The following NEGR1 variants were observed in gnomAD, a reference collection of about 807,000 sequenced individuals.
The protein encoded by NEGR1 is IgLON family member 4.
A neutral mutation model predicts 40.9 loss-of-function variants in NEGR1; 10 were observed. That is an observed-to-expected ratio of 0.24 (90% CI 0.15 to 0.42). NEGR1 has a LOEUF of 0.42. Ranked by LOEUF, NEGR1 falls within the 10% of genes least tolerant of loss-of-function variation. The pLI, the probability that NEGR1 is intolerant of heterozygous loss-of-function variation, is 1.00. For synonymous variants in NEGR1, 185 were observed against 166.8 expected, an observed-to-expected ratio of 1.11 and a Z score of -0.84; for missense variants, 352 against 438.9, an observed-to-expected ratio of 0.80 and a Z score of 1.77.
At position 71,712,788 on chromosome 1, in the gene NEGR1, T is replaced by C. The variant is rs572369285; in HGVS notation, c.536-14649A>G. On this transcript the variant is annotated intron_variant, in intron 3 of 6. Coordinates refer to ENST00000357731, the MANE Select transcript of NEGR1 (RefSeq NM_173808.3). ...GGATCATGGGGTCAGATTTACCCTT[T>C]GCTGTTCTCATGATAGTGAGTGAGT... is the stretch of plus-strand genomic sequence containing the variant. 6.6e-5 allele frequency among the ~76,000 whole-genome samples: 10 copies of C among 152,168 alleles called. No homozygotes were observed. The South Asian group carries it at 2.1e-3, about 32-fold the overall frequency.
chr1:72,249,418 T>G (rs954399777), intron 1 of NEGR1, among the ~76,000 whole-genome samples: 6 of 152,180 alleles, frequency 3.9e-5, no homozygotes, highest in African/African-American at 1.4e-4. Flanking sequence ...TCAGTAGATA[T>G]GTAAAAATAT....
intron 6 of NEGR1, among the ~76,000 whole-genome samples, chr1:71,585,767 A>G (rs947416223): frequency 2.4e-4 from 37 of 151,630 alleles, no homozygotes; most frequent in Admixed American, 7.2e-4. Context: ...AATTGTAATA[A>G]AAAGGACAAT....
At chr1:71,709,988 C>T (rs1654026646) in intron 3 of NEGR1, among the ~76,000 whole-genome samples, 2 of 152,110 alleles carry the variant, frequency 1.3e-5, no homozygotes, top group Non-Finnish European at 2.9e-5. Flanking sequence ...CAAAGTACCC[C>T]TCTGACAAGG....
intron 6 of NEGR1, among the ~76,000 whole-genome samples, chr1:71,587,472 C>T (rs1464639149): frequency 6.6e-6 from 1 of 152,016 alleles, no homozygotes; most frequent in Non-Finnish European, 1.5e-5. Flanking sequence ...AGGAGACATT[C>T]CAGAAAGTTA....
At chr1:72,007,539 A>G (rs1330241765) in intron 1 of NEGR1, among the ~76,000 whole-genome samples, 1 of 152,186 alleles carries the variant, frequency 6.6e-6, no homozygotes, top group African/African-American at 2.4e-5. Context: ...CTGCTATGCC[A>G]CATTACTCAC....
chr1:71,801,043 G>T (rs1277257747), intron 2 of NEGR1, among the ~76,000 whole-genome samples: 1 of 152,066 alleles, frequency 6.6e-6, no homozygotes, highest in Non-Finnish European at 1.5e-5. Flanking sequence ...ACCCTACAAC[G>T]ATGCACATTA....
intron 1 of NEGR1, among the ~76,000 whole-genome samples, chr1:72,044,611 C>G (rs991801713): frequency 1.3e-5 from 2 of 151,476 alleles, no homozygotes; most frequent in African/African-American, 4.8e-5. Flanking sequence ...ACTGACAAAC[C>G]AAAAATAGAG....
intron 1 of NEGR1, among the ~76,000 whole-genome samples, chr1:72,069,807 C>T (rs2100508142): frequency 6.6e-6 from 1 of 152,146 alleles, no homozygotes; most frequent in South Asian, 2.1e-4. Context: ...TAAAAGAATA[C>T]CTGTGGCACA....
intron 1 of NEGR1, among the ~76,000 whole-genome samples, chr1:72,107,495 C>T (rs1465427793): frequency 6.6e-6 from 1 of 151,376 alleles, no homozygotes; most frequent in Non-Finnish European, 1.5e-5. Context: ...TTTCTTTTGG[C>T]TGGATTTCTA....
intron 2 of NEGR1, among the ~76,000 whole-genome samples, chr1:71,899,031 T>C (rs999201025): frequency 3.2e-4 from 44 of 139,432 alleles, no homozygotes; most frequent in Non-Finnish European, 5.4e-4. Flanking sequence ...CTAATGTGTG[T>C]GTGTGCGTGT....
rs1298625449 is a variant in NEGR1, at chr1:71,397,863, T to G, written c.*9583A>C. 1 of 151,888 alleles carries G rather than the reference T, an allele frequency of 6.6e-6. No individual in the cohort carries two copies. The highest frequency in any genetic ancestry group is 6.6e-5 in the Admixed American group (1 of 15,228). 9.4% of individuals were successfully genotyped at this position (151,888 alleles called of 1,614,324 possible). On this transcript the variant is annotated 3_prime_UTR_variant, in exon 7 of 7. Coordinates refer to ENST00000357731, the MANE Select transcript of NEGR1 (RefSeq NM_173808.3). ...GCCCCTAGGTTTTGGAGGAAAAAAA[T>G]GGTTTTGTGGGCCTGGCCCAGGGTC...
chr1:71,770,861 A>G (rs1054027620), intron 3 of NEGR1, among the ~76,000 whole-genome samples: 3 of 152,240 alleles, frequency 2.0e-5, no homozygotes, highest in Non-Finnish European at 1.5e-5. Context: ...GGGACTGTAA[A>G]TTAGTTCAAC....
At chr1:71,731,167 CAGA>C (rs1490876090) in intron 3 of NEGR1, among the ~76,000 whole-genome samples, 2 of 151,876 alleles carry the variant, frequency 1.3e-5, no homozygotes, top group Non-Finnish European at 2.9e-5. Context: ...ATTCTAGGTC[CAGA>C]AGGTAAATTT....
rs71074804 is a variant in NEGR1, at chr1:71,759,596, C to CTTTTTTTTTTTTTTT, written c.535+16561_535+16575dup. Among the ~76,000 whole-genome samples the CTTTTTTTTTTTTTTT allele has an allele frequency of 6.3e-4, 20 of 31,960 alleles. 9 individuals carry two copies. The highest frequency in any genetic ancestry group is 2.1e-3 in the East Asian group (2 of 934). The allele number at this position is 31,960 out of a possible 152,430, so 21.0% of individuals were successfully genotyped here. The stretch of plus-strand genomic sequence containing the variant: ...ACAGGCGTGAGCCACTGCGTCCAGG[C>CTTTTTTTTTTTTTTT]TTTTTTTTTTTTTTTTTTTTTTTTT... On this transcript the variant is annotated intron_variant, in intron 3 of 6. Coordinates refer to ENST00000357731, the MANE Select transcript of NEGR1 (RefSeq NM_173808.3).
chr1:72,013,170 T>G (rs1020113185), intron 1 of NEGR1, among the ~76,000 whole-genome samples: 1 of 151,850 alleles, frequency 6.6e-6, no homozygotes, highest in Non-Finnish European at 1.5e-5. Context: ...GAGACAAAAA[T>G]TAACTTGTAA....
chr1:71,623,271 C>T (rs12021864), intron 4 of NEGR1, among the ~76,000 whole-genome samples: 6,926 of 151,808 alleles, frequency 0.046, 403 homozygotes, highest in African/African-American at 0.13. Context: ...ATATGTTAAG[C>T]GAATGACATT....
chr1:71,415,292 C>T (rs889532713), intron 6 of NEGR1, among the ~76,000 whole-genome samples: 3 of 151,956 alleles, frequency 2.0e-5, no homozygotes, highest in African/African-American at 7.2e-5. Context: ...TCACACCATT[C>T]CTTTCTTGCT....
chr1:71,796,710 C>T (rs907940789), intron 2 of NEGR1, among the ~76,000 whole-genome samples: 3 of 152,080 alleles, frequency 2.0e-5, no homozygotes, highest in Admixed American at 1.3e-4. Context: ...GTATTATGCT[C>T]CCTTAAGGCA....
At chr1:72,147,436 T>G (rs953913776) in intron 1 of NEGR1, among the ~76,000 whole-genome samples, 6 of 152,082 alleles carry the variant, frequency 3.9e-5, no homozygotes, top group Admixed American at 1.3e-4. Flanking sequence ...GCCCCCATGA[T>G]TCAACTACCT....
Sources: gnomAD v4.1 joint callset for allele counts (sites outside exome capture counted in the v4.1 genomes callset) on GRCh38, gnomAD v4.1.1 for gene constraint, MANE v1.5 for transcripts, NCBI Gene and HGNC (gene_info 2026-07-23, HGNC 2026-07-21) for gene names.